The following GRIA4 variants were observed in gnomAD, a reference collection of about 807,000 sequenced individuals.
The protein encoded by GRIA4 is glutamate ionotropic receptor AMPA type subunit 4, also known as glutamate receptor 4.
A neutral mutation model predicts 104.0 loss-of-function variants in GRIA4; 34 were observed. The observed-to-expected ratio is 0.33, with a 90% confidence interval of 0.25 to 0.44. The LOEUF (loss-of-function observed/expected upper bound fraction) is 0.44. Among genes scored for constraint, GRIA4 ranks in the 20% least tolerant of loss-of-function variants. The pLI is 1.00. For missense variants in GRIA4, 750 were observed against 1,096.5 expected (o/e 0.68, Z 4.46); for synonymous variants, 386 against 381.9 (o/e 1.01, Z -0.13).
chr11:105,737,538 T>A (rs1338826060), intron 3 of GRIA4, among the ~76,000 whole-genome samples: 4 of 151,900 alleles, frequency 2.6e-5, no homozygotes, highest in Admixed American at 2.6e-4. Context: ...TTGTTCTGAG[T>A]TATATATGTG....
In GRIA4 at chr11:105,696,748, C is replaced by T. The variant is rs538925088; in HGVS notation, c.248-56233C>T. Reference sequence around the variant, plus strand: ...AAAGAGATGTAAGAATAGACTTTTCCTGACATATTTCTTTCTGATTTTTTT... The same window carrying T: ...AAAGAGATGTAAGAATAGACTTTTCTTGACATATTTCTTTCTGATTTTTTT... On this transcript the variant is annotated intron_variant, in intron 3 of 16. Coordinates refer to ENST00000282499, the MANE Select transcript of GRIA4 (RefSeq NM_000829.4). Among the ~76,000 whole-genome samples, 9 of 148,316 alleles carry T rather than the reference C, an allele frequency of 6.1e-5. No individual in the cohort carries two copies. The South Asian group carries it at 2.0e-3, about 33-fold the overall frequency.
chr11:105,901,799 A>G (rs898968837), intron 7 of GRIA4, among the ~76,000 whole-genome samples: 1 of 152,186 alleles, frequency 6.6e-6, no homozygotes, highest in African/African-American at 2.4e-5. Flanking sequence ...TTTTGGTGCC[A>G]TCTCTTCTCA....
intron 3 of GRIA4, among the ~76,000 whole-genome samples, chr11:105,641,056 A>G (rs1303312623): frequency 6.6e-6 from 1 of 152,086 alleles, no homozygotes; most frequent in Non-Finnish European, 1.5e-5. Context: ...TATAGCTATT[A>G]ATGAGCACTT....
At chr11:105,771,127 C>A (rs138156430) in intron 4 of GRIA4, among the ~76,000 whole-genome samples, 1 of 152,080 alleles carries the variant, frequency 6.6e-6, no homozygotes, top group East Asian at 1.9e-4. Context: ...AGCCACTATG[C>A]TAGGTTTTTC....
In GRIA4 at chr11:105,630,958, A is replaced by T. The variant is rs377380684; in HGVS notation, c.247+18524A>T. On this transcript the variant is annotated intron_variant, in intron 3 of 16. Coordinates refer to ENST00000282499, the MANE Select transcript of GRIA4 (RefSeq NM_000829.4). ...ATAATTTCACTTGAATTATGCTAGG[A>T]TGCCTGTCCATGAACAGGGACATCA... Among the ~76,000 whole-genome samples the T allele has an allele frequency of 8.5e-5, 13 of 152,262 alleles. No individual in the cohort carries two copies. In the South Asian group the frequency reaches 2.7e-3, roughly 32 times the overall value.
At chr11:105,963,360 C>G (rs140940033) in intron 14 of GRIA4, among the ~76,000 whole-genome samples, 1 of 151,998 alleles carries the variant, frequency 6.6e-6, no homozygotes, top group African/African-American at 2.4e-5. Flanking sequence ...TTCTAAGGAG[C>G]CCTTTAGACC....
intron 3 of GRIA4, among the ~76,000 whole-genome samples, chr11:105,750,914 T>A (rs932883506): frequency 6.6e-6 from 1 of 152,098 alleles, no homozygotes; most frequent in African/African-American, 2.4e-5. Flanking sequence ...CATGAGTACT[T>A]CCATGGAATT....
At chr11:105,734,268 C>G (rs1303030208) in intron 3 of GRIA4, among the ~76,000 whole-genome samples, 2 of 151,988 alleles carry the variant, frequency 1.3e-5, no homozygotes, top group East Asian at 3.9e-4. Flanking sequence ...CAGCCAGTTG[C>G]TTTGCTAGAG....
intron 13 of GRIA4, among the ~76,000 whole-genome samples, chr11:105,931,251 T>A (rs2136206797): frequency 6.9e-6 from 1 of 145,512 alleles, no homozygotes; most frequent in South Asian, 2.2e-4. Context: ...AGAAGTATCC[T>A]GTCATTGCCT....
At chr11:105,641,224 A>G (rs1313649305) in intron 3 of GRIA4, among the ~76,000 whole-genome samples, 1 of 152,148 alleles carries the variant, frequency 6.6e-6, no homozygotes, top group Non-Finnish European at 1.5e-5. Flanking sequence ...TATGTTAAAT[A>G]AAATTCTGAA....
chr11:105,913,247 A>C (rs952936752), intron 10 of GRIA4: 66 of 412,742 alleles, frequency 1.6e-4, no homozygotes, highest in Admixed American at 1.9e-4. Context: ...AAACATAATT[A>C]AGAATTATAT....
chr11:105,630,556 CCTT>C (rs1394566992), intron 3 of GRIA4, among the ~76,000 whole-genome samples: 29 of 151,772 alleles, frequency 1.9e-4, no homozygotes, highest in African/African-American at 6.5e-4. Flanking sequence ...AAGCAAGACT[CCTT>C]CTAGGAAAAA....
chr11:105,917,306 C>A (rs933811365), intron 10 of GRIA4, among the ~76,000 whole-genome samples: 19 of 152,106 alleles, frequency 1.2e-4, no homozygotes, highest in Non-Finnish European at 2.2e-4. Flanking sequence ...AGTAGAAGGA[C>A]CAATCCTGGA....
At chr11:105,922,701 A>T (rs1947598412) in intron 11 of GRIA4, among the ~76,000 whole-genome samples, 1 of 152,160 alleles carries the variant, frequency 6.6e-6, no homozygotes, top group South Asian at 2.1e-4. Context: ...AATGTTCTAC[A>T]TTATTCCTTT....
At chr11:105,699,722 CTCT>C (rs1365327840) in intron 3 of GRIA4, among the ~76,000 whole-genome samples, 1 of 152,026 alleles carries the variant, frequency 6.6e-6, no homozygotes, top group Non-Finnish European at 1.5e-5. Context: ...ACGCACGGGG[CTCT>C]GTCCCTCAGC....
intron 4 of GRIA4, among the ~76,000 whole-genome samples, chr11:105,815,309 G>T (rs1394001625): frequency 6.6e-6 from 1 of 152,070 alleles, no homozygotes; most frequent in African/African-American, 2.4e-5. Flanking sequence ...ATCCATTTGG[G>T]GCACAAATTT....
chr11:105,815,778 A>C (rs1943352739), intron 4 of GRIA4, among the ~76,000 whole-genome samples: 1 of 152,174 alleles, frequency 6.6e-6, no homozygotes, highest in Non-Finnish European at 1.5e-5. Context: ...AGTTCTCAAT[A>C]AATATTTTAG....
At chr11:105,673,853 T>C (rs892192738) in intron 3 of GRIA4, among the ~76,000 whole-genome samples, 2 of 152,056 alleles carry the variant, frequency 1.3e-5, no homozygotes, top group Non-Finnish European at 2.9e-5. Flanking sequence ...AATTTTATCA[T>C]TGATAAGACT....
intron 14 of GRIA4, among the ~76,000 whole-genome samples, chr11:105,940,810 C>T (rs1431568291): frequency 2.9e-5 from 4 of 138,094 alleles, no homozygotes; most frequent in South Asian, 5.0e-4. Flanking sequence ...GGCTACTTTA[C>T]GATTCACATT....
Sources: gnomAD v4.1 joint callset for allele counts (sites outside exome capture counted in the v4.1 genomes callset) on GRCh38, gnomAD v4.1.1 for gene constraint, MANE v1.5 for transcripts, NCBI Gene and HGNC (gene_info 2026-07-23, HGNC 2026-07-21) for gene names.